The following FBXO10 variants were observed in gnomAD, a reference collection of about 807,000 sequenced individuals.
FBXO10 encodes the protein F-box only protein 10.
FBXO10 carries 39 observed loss-of-function variants against 80.7 expected under a neutral mutation model. The observed-to-expected ratio is 0.48, with a 90% CI of 0.37 to 0.63. The LOEUF is 0.63. FBXO10 is among the 30% of genes least tolerant of loss of function. The pLI, the probability that FBXO10 is intolerant of heterozygous loss-of-function variation, is 0.00. For missense variants in FBXO10, 1,025 were observed against 1,269.0 expected (o/e 0.81, Z 2.92); for synonymous variants, 449 against 489.6 (o/e 0.92, Z 1.09).
chr9:37,521,777 G>A lies in FBXO10; in HGVS notation c.1992C>T (p.His664=), dbSNP rs556500150. 1.9e-4 allele frequency: 313 copies of A among 1,610,306 alleles called. 1 individual carries two copies. Among genetic ancestry groups the A allele is most frequent in the Middle Eastern group, 1.5e-3 (9 of 6,054 alleles). ...SSSLPHVTSN[H]VSYNGLYGVA... is the part of the protein sequence containing the mutation. Reference sequence around the variant, plus strand: ...CTCCATACAGGCCATTGTAGCTGACGTGGTTGCTGGTGACATGGGGGAGGC... The same window carrying A: ...CTCCATACAGGCCATTGTAGCTGACATGGTTGCTGGTGACATGGGGGAGGC... Residue 664 remains histidine, a synonymous_variant, in exon 8 of 11, where the codon CAC becomes CAT. Transcript: ENST00000432825.
At chr9:37,517,646 A>G (rs1301856050) in intron 9 of FBXO10, among the ~76,000 whole-genome samples, 1 of 152,144 alleles carries the variant, frequency 6.6e-6, no homozygotes, top group African/African-American at 2.4e-5. Flanking sequence ...CTCTTCCTGA[A>G]CAAAGATACA....
chr9:37,551,206 C>A (rs939169079), intron 1 of FBXO10, among the ~76,000 whole-genome samples: 1 of 152,356 alleles, frequency 6.6e-6, no homozygotes, highest in African/African-American at 2.4e-5. Context: ...CTGGACACAA[C>A]GTGTTGGGGG....
rs528846781 is a variant in FBXO10, at chr9:37,556,820, C to T, written c.-6-15046G>A. Among the ~76,000 whole-genome samples the T allele has an allele frequency of 7.9e-5, 12 of 152,290 alleles. No homozygotes were observed. The South Asian group carries it at 2.3e-3, about 29-fold the overall frequency. ...TTGTCCTCCCAAAGTGCTGGGATTA[C>T]AGGCGTGAGCCACCGCATCCAGCCT... On this transcript the variant is annotated intron_variant, in intron 1 of 10. Coordinates refer to ENST00000432825, the MANE Select transcript of FBXO10 (RefSeq NM_012166.3).
Position 37,518,162 on chromosome 9 carries a change from C to A in FBXO10, c.2477G>T (p.Gly826Val), listed in dbSNP as rs757227303. The A allele has an allele frequency of 6.2e-7, 1 of 1,613,868 alleles. No homozygotes were observed. Among genetic ancestry groups the A allele is most frequent in the African/African-American group, 1.3e-5 (1 of 74,954 alleles). ...CCTGGGCAGCAGCTGCAGCCCGCTG[C>A]CCCGGTTGCCAATGATATCGTTTTC... The part of the protein sequence containing the change: ...VIENDIIGNR[G>V]SGLQLLPRSD... The change falls in exon 9 of 11, where the codon GGC becomes GTC. Residue 826 changes from glycine (G) to valine (V), a missense_variant. Transcript: ENST00000432825.
At chr9:37,525,002 G>A (rs529372456) in intron 6 of FBXO10, 100 bp downstream of exon 6, 1 of 1,011,068 alleles carries the variant, frequency 9.9e-7, no homozygotes, top group Non-Finnish European at 1.5e-6. Context: ...AGAGGCCATA[G>A]TCTGTGGGGG....
At chr9:37,547,322 G>A (rs962438465) in intron 1 of FBXO10, among the ~76,000 whole-genome samples, 58 of 152,230 alleles carry the variant, frequency 3.8e-4, no homozygotes, top group African/African-American at 1.4e-3. Flanking sequence ...GGGCGCAGTG[G>A]CAGACGCCTA....
chr9:37,546,611 T>C (rs976291023), intron 1 of FBXO10, among the ~76,000 whole-genome samples: 4 of 152,100 alleles, frequency 2.6e-5, no homozygotes, highest in African/African-American at 4.8e-5. Flanking sequence ...AAGTTGCTGA[T>C]AGTTTAATAA....
In FBXO10 at chr9:37,541,472, A is replaced by G; in HGVS notation, c.297T>C (p.Ser99=). 1 of 1,614,004 alleles carries G rather than the reference A, an allele frequency of 6.2e-7. No individual in the cohort carries two copies. Among genetic ancestry groups the G allele is most frequent in the Middle Eastern group, 1.6e-4 (1 of 6,062 alleles). The part of the protein sequence containing the change: ...ALDLESSICF[S]LFRRRRERRT... ...GTCGTTCCCTCCTCCGGCGGAATAG[A>G]GAAAAGCAGATGGAAGACTCCAAGT... Residue 99 remains serine (S), a synonymous_variant, in exon 2 of 11, where the codon TCT becomes TCC. Coordinates refer to ENST00000432825, the MANE Select transcript of FBXO10 (RefSeq NM_012166.3).
At chr9:37,560,825 G>A (rs1356858621) in intron 1 of FBXO10, among the ~76,000 whole-genome samples, 2 of 152,092 alleles carry the variant, frequency 1.3e-5, no homozygotes, top group Admixed American at 1.3e-4. Context: ...TAGGCCCCAA[G>A]TGGTTCCGTT....
rs779066752 is a variant in FBXO10, at chr9:37,516,133, G to C, written c.2515-48C>G. The stretch of plus-strand genomic sequence containing the variant: ...GTCACACCTCAGGGATTCACAGACT[G>C]AGTGGGAGAGCTGGGCAAGTGAATT... On this transcript the variant is annotated intron_variant, in intron 9 of 10. Transcript: ENST00000432825. 2.5e-6 allele frequency: 4 copies of C among 1,571,848 alleles called. No homozygotes were observed. The South Asian group carries it at 4.6e-5, about 18-fold the overall frequency.
intron 9 of FBXO10, among the ~76,000 whole-genome samples, 174 bp downstream of exon 9, chr9:37,517,951 C>A (rs897397284): frequency 1.3e-5 from 2 of 150,356 alleles, no homozygotes; most frequent in African/African-American, 2.4e-5. Context: ...GCTTCTCCGT[C>A]CCCCCCTGTG....
At chr9:37,569,780 A>G (rs1244489134) in intron 1 of FBXO10, among the ~76,000 whole-genome samples, 2 of 152,240 alleles carry the variant, frequency 1.3e-5, no homozygotes, top group Non-Finnish European at 2.9e-5. Context: ...GGCTGCAGTT[A>G]GCTATGATCA....
At chr9:37,515,791 C>G in intron 10 of FBXO10, 113 bp downstream of exon 10, 1 of 1,133,128 alleles carries the variant, frequency 8.8e-7, no homozygotes, top group Non-Finnish European at 1.3e-6. Context: ...GAGTCGACAG[C>G]TGGCAGGGTT....
chr9:37,575,090 T>C (rs767127794), intron 1 of FBXO10, among the ~76,000 whole-genome samples: 33 of 152,118 alleles, frequency 2.2e-4, no homozygotes, highest in Admixed American at 3.3e-4. Context: ...ATTAGATGGT[T>C]TCCCAGGCAT....
At chr9:37,525,376 C>T (rs1821445154) in intron 5 of FBXO10, among the ~76,000 whole-genome samples, 1 of 152,104 alleles carries the variant, frequency 6.6e-6, no homozygotes, top group Non-Finnish European at 1.5e-5. Flanking sequence ...CTCAAGTCCA[C>T]AGGGGCATAA....
intron 1 of FBXO10, among the ~76,000 whole-genome samples, chr9:37,567,425 G>A (rs559040545): frequency 2.7e-5 from 4 of 150,732 alleles, no homozygotes; most frequent in South Asian, 2.1e-4. Flanking sequence ...GATTATAGGC[G>A]TGAGCCACCA....
chr9:37,547,463 T>G (rs1246448228), intron 1 of FBXO10, among the ~76,000 whole-genome samples: 1 of 151,914 alleles, frequency 6.6e-6, no homozygotes, highest in African/African-American at 2.4e-5. Flanking sequence ...AACAAAAAAT[T>G]AGCTGAGTGT....
chr9:37,542,964 G>T (rs1309239041), intron 1 of FBXO10, among the ~76,000 whole-genome samples: 1 of 152,172 alleles, frequency 6.6e-6, no homozygotes, highest in Non-Finnish European at 1.5e-5. Context: ...TCAAGGAAGA[G>T]ACCTCTATCT....
At chr9:37,546,412 T>C (rs2119142153) in intron 1 of FBXO10, among the ~76,000 whole-genome samples, 1 of 152,266 alleles carries the variant, frequency 6.6e-6, no homozygotes. Context: ...GCTGCACATG[T>C]ACAGGGCAAG....
Sources: gnomAD v4.1 joint callset for allele counts (sites outside exome capture counted in the v4.1 genomes callset) on GRCh38, gnomAD v4.1.1 for gene constraint, MANE v1.5 for transcripts, NCBI Gene and HGNC (gene_info 2026-07-23, HGNC 2026-07-21) for gene names.